The following ZBTB44 variants were observed in gnomAD, a reference collection of about 807,000 sequenced individuals.
ZBTB44 encodes zinc finger and BTB domain-containing protein 44.
ZBTB44 carries 15 observed loss-of-function variants against 54.0 expected under a neutral mutation model. The observed-to-expected ratio is 0.28, with a 90% CI of 0.19 to 0.43. The LOEUF is 0.43. Ranked by LOEUF, ZBTB44 falls within the 20% of genes least tolerant of loss-of-function variation. ZBTB44 has a pLI of 1.00. For synonymous variants in ZBTB44, 230 were observed against 250.1 expected, an observed-to-expected ratio of 0.92 and a Z score of 0.76; for missense variants, 487 against 707.1, an observed-to-expected ratio of 0.69 and a Z score of 3.53.
intron 1 of ZBTB44, among the ~76,000 whole-genome samples, chr11:130,312,181 A>G (rs889342585): frequency 4.6e-5 from 7 of 152,340 alleles, no homozygotes; most frequent in South Asian, 4.1e-4. Context: ...ACCTCCAATA[A>G]CTGATTTAAG....
At chr11:130,291,138 G>GT (rs904432176) in intron 1 of ZBTB44, among the ~76,000 whole-genome samples, 346 of 146,422 alleles carry the variant, frequency 2.4e-3, no homozygotes, top group East Asian at 4.7e-3. Context: ...AGCCTTTGTT[G>GT]TTTTTTTTTT....
intron 1 of ZBTB44, among the ~76,000 whole-genome samples, chr11:130,278,961 T>C (rs1175284712): frequency 6.6e-6 from 1 of 152,204 alleles, no homozygotes; most frequent in Non-Finnish European, 1.5e-5. Flanking sequence ...GCTTTTTTTC[T>C]GGTGCATGAG....
chr11:130,278,355 G>C (rs1019981758), intron 1 of ZBTB44, among the ~76,000 whole-genome samples: 2 of 152,146 alleles, frequency 1.3e-5, no homozygotes, highest in Non-Finnish European at 2.9e-5. Flanking sequence ...AAAACAGAGT[G>C]GTTGTAAGGG....
At chr11:130,242,198 T>C (rs1035025537) in intron 2 of ZBTB44, among the ~76,000 whole-genome samples, 1 of 152,242 alleles carries the variant, frequency 6.6e-6, no homozygotes, top group Non-Finnish European at 1.5e-5. Flanking sequence ...TTTCTTTGTA[T>C]TGGTTGCCTT....
intron 1 of ZBTB44, among the ~76,000 whole-genome samples, chr11:130,272,448 G>C (rs1193735053): frequency 4.6e-5 from 7 of 152,212 alleles, no homozygotes; most frequent in African/African-American, 1.7e-4. Context: ...CCATTGGGTT[G>C]TCTTTTTGTT....
intron 2 of ZBTB44, among the ~76,000 whole-genome samples, chr11:130,246,270 CATATATATACACACACACAT>C (rs1305997070): frequency 2.0e-5 from 3 of 152,210 alleles, no homozygotes; most frequent in African/African-American, 4.8e-5. Context: ...AATATATACA[CATATATATACACACACACAT>C]ATATATATAC....
intron 1 of ZBTB44, among the ~76,000 whole-genome samples, chr11:130,312,417 G>A (rs1389081355): frequency 6.6e-6 from 1 of 152,184 alleles, no homozygotes; most frequent in Non-Finnish European, 1.5e-5. Flanking sequence ...GCAACAGGAG[G>A]TACACAGCAT....
chr11:130,243,650 T>C lies in ZBTB44; in HGVS notation c.1019-3754A>G, dbSNP rs981001355. On this transcript the variant is annotated intron_variant, in intron 2 of 7. Coordinates refer to ENST00000357899, the MANE Select transcript of ZBTB44 (RefSeq NM_001301098.2). The stretch of plus-strand genomic sequence containing the variant: ...AAAGGACAATGCACATGAGCATGCT[T>C]TTCTCCACAGTATATACTTAGGAAT... 3.3e-5 allele frequency among the ~76,000 whole-genome samples: 5 copies of C among 152,192 alleles called. No homozygotes were observed. In the South Asian group the frequency reaches 1.0e-3, roughly 32 times the overall value.
At chr11:130,273,527 G>A (rs994564022) in intron 1 of ZBTB44, among the ~76,000 whole-genome samples, 5 of 151,774 alleles carry the variant, frequency 3.3e-5, no homozygotes, top group African/African-American at 7.3e-5. Context: ...TGCCCAGGCC[G>A]GTCTCAAACT....
chr11:130,313,662 T>C (rs1264669337), intron 1 of ZBTB44, among the ~76,000 whole-genome samples: 1 of 152,192 alleles, frequency 6.6e-6, no homozygotes, highest in Non-Finnish European at 1.5e-5. Flanking sequence ...CTTCAAGAGA[T>C]TATCTACTTA....
chr11:130,305,509 G>C (rs533514756), intron 1 of ZBTB44, among the ~76,000 whole-genome samples: 1 of 152,140 alleles, frequency 6.6e-6, no homozygotes, highest in African/African-American at 2.4e-5. Flanking sequence ...AGTGGAGAAA[G>C]GACACCCTAT....
chr11:130,275,470 T>G (rs1403388076), intron 1 of ZBTB44, among the ~76,000 whole-genome samples: 1 of 152,108 alleles, frequency 6.6e-6, no homozygotes, highest in Non-Finnish European at 1.5e-5. Context: ...TGGGCTACCA[T>G]GCCTAACCCA....
chr11:130,276,295 T>C (rs916630291), intron 1 of ZBTB44, among the ~76,000 whole-genome samples: 2 of 150,250 alleles, frequency 1.3e-5, no homozygotes, highest in Non-Finnish European at 3.0e-5. Flanking sequence ...TGGTCTATAA[T>C]GGAGAATGTT....
chr11:130,279,503 A>G (rs1317792708), intron 1 of ZBTB44, among the ~76,000 whole-genome samples: 11 of 152,092 alleles, frequency 7.2e-5, no homozygotes, highest in Admixed American at 7.2e-4. Flanking sequence ...CATTAAAAAT[A>G]CCAAAATTAG....
At chr11:130,277,133 T>C (rs1445966710) in intron 1 of ZBTB44, among the ~76,000 whole-genome samples, 1 of 152,274 alleles carries the variant, frequency 6.6e-6, no homozygotes. Context: ...TCACATTTAA[T>C]GTTATTTGTA....
At chr11:130,290,156 G>A (rs1384631028) in intron 1 of ZBTB44, among the ~76,000 whole-genome samples, 1 of 152,198 alleles carries the variant, frequency 6.6e-6, no homozygotes, top group Non-Finnish European at 1.5e-5. Context: ...GCACACACAG[G>A]AGAAGGTGAA....
At position 130,314,810 on chromosome 11, in the gene ZBTB44, G is replaced by A. The variant is rs1255142649; in HGVS notation, c.-492C>T. On this transcript the variant is annotated 5_prime_UTR_variant, in exon 1 of 8. Coordinates refer to ENST00000357899, the MANE Select transcript of ZBTB44 (RefSeq NM_001301098.2). ...GGGAAGGGGACTGAGGGGAGGGGAG[G>A]GGGAGGTTGGGAGGGAGCCGCCGCC... is the stretch of plus-strand genomic sequence containing the variant. The A allele has an allele frequency of 8.6e-6, 1 of 116,870 alleles. No homozygotes were observed. Among genetic ancestry groups the A allele is most frequent in the Non-Finnish European group, 1.8e-5 (1 of 55,586 alleles). The allele number at this position is 116,870 out of a possible 1,614,324, so 7.2% of individuals were successfully genotyped here.
rs1376691608 is a variant in ZBTB44 at position 130,228,863 on chromosome 11, T to C, written c.*2901A>G. On this transcript the variant is annotated 3_prime_UTR_variant, in exon 8 of 8. Coordinates refer to ENST00000357899, the MANE Select transcript of ZBTB44 (RefSeq NM_001301098.2). ...ACCGTGCCTGGGACTTTAAGCTTCA[T>C]CAGCAACATCAGTCAATTTAAACGA... 5 of 152,210 alleles carry C rather than the reference T, an allele frequency of 3.3e-5. No individual in the cohort carries two copies. In the East Asian group the frequency reaches 9.6e-4, roughly 29 times the overall value. The allele number at this position is 152,210 out of a possible 1,614,324, so 9.4% of individuals were successfully genotyped here.
At position 130,288,625 on chromosome 11, in the gene ZBTB44, C is replaced by T. The variant is rs753246190; in HGVS notation, c.-57+25750G>A. ...TAAAAATCAGGACACAGGCCTGGTG[C>T]GGTGGCTCATGCCTGTAATCCCAGC... On this transcript the variant is annotated intron_variant, in intron 1 of 7. Transcript: ENST00000357899. Among the ~76,000 whole-genome samples, 9 of 151,884 alleles carry T rather than the reference C, an allele frequency of 5.9e-5. No individual in the cohort carries two copies. The East Asian group carries it at 7.8e-4, about 13-fold the overall frequency.
Sources: allele counts gnomAD v4.1 joint callset (sites outside exome capture counted in the v4.1 genomes callset), GRCh38; gene constraint gnomAD v4.1.1; transcripts MANE v1.5; gene names NCBI Gene and HGNC (gene_info 2026-07-23, HGNC 2026-07-21).